DPH6: variants seen among roughly 807,000 people sequenced by gnomAD.
DPH6 encodes the protein diphthine--ammonia ligase.
DPH6 carries 33 observed loss-of-function variants against 38.2 expected under a neutral mutation model. The observed-to-expected ratio is 0.86, with a 90% CI of 0.65 to 1.15. The LOEUF (loss-of-function observed/expected upper bound fraction) is 1.15, where lower values mean the gene tolerates loss of function less well. Ranked by LOEUF, DPH6 falls within the 50% of genes most tolerant of loss-of-function variation. The probability of loss-of-function intolerance (pLI) is 0.00; values close to 1 mark genes in which losing one functional copy is unlikely to be tolerated. For missense variants in DPH6, 325 were observed against 320.0 expected, an observed-to-expected ratio of 1.02 and a Z score of -0.12; for synonymous variants, 108 against 103.0, an observed-to-expected ratio of 1.05 and a Z score of -0.30.
chr15:35,392,967 G>C (rs941502758), intron 6 of DPH6, among the ~76,000 whole-genome samples: 3 of 152,186 alleles, frequency 2.0e-5, no homozygotes, highest in Non-Finnish European at 2.9e-5. Flanking sequence ...ATGAGTAATG[G>C]CAGTGAGACA....
At chr15:35,394,006 A>T (rs1333014730) in intron 6 of DPH6, among the ~76,000 whole-genome samples, 1 of 152,114 alleles carries the variant, frequency 6.6e-6, no homozygotes, top group Non-Finnish European at 1.5e-5. Flanking sequence ...TTATGTCTCA[A>T]ATCTTTTGAT....
At chr15:35,457,387 G>A (rs2054010895) in intron 3 of DPH6, among the ~76,000 whole-genome samples, 1 of 151,194 alleles carries the variant, frequency 6.6e-6, no homozygotes, top group Admixed American at 6.7e-5. Context: ...GAGGCCTCCT[G>A]GGTTCAAGTG....
chr15:35,484,358 G>A (rs897871869), intron 3 of DPH6, among the ~76,000 whole-genome samples: 8 of 152,238 alleles, frequency 5.3e-5, no homozygotes, highest in Non-Finnish European at 1.2e-4. Flanking sequence ...TCCAAGTGCA[G>A]TGTAGCTGGA....
chr15:35,511,059 C>T (rs1399994285), intron 3 of DPH6, among the ~76,000 whole-genome samples: 1 of 152,136 alleles, frequency 6.6e-6, no homozygotes, highest in East Asian at 1.9e-4. Context: ...GACCAGCGGC[C>T]TCAGCATCAC....
intron 5 of DPH6, among the ~76,000 whole-genome samples, chr15:35,447,901 T>C (rs1021482612): frequency 6.6e-6 from 1 of 152,312 alleles, no homozygotes. Flanking sequence ...AGCTTATAAG[T>C]AGAGTCCTAG....
chr15:35,264,475 C>A (rs1191544494), intron 3 of DPH6, among the ~76,000 whole-genome samples: 1 of 152,196 alleles, frequency 6.6e-6, no homozygotes, highest in East Asian at 1.9e-4. Context: ...TGGACTTTCT[C>A]TGATTCTTAG....
chr15:35,536,762 A>C (rs1039612409), intron 3 of DPH6, among the ~76,000 whole-genome samples: 6 of 152,046 alleles, frequency 3.9e-5, no homozygotes, highest in Admixed American at 3.9e-4. Flanking sequence ...CATGAGAAAG[A>C]AATTTTGAAA....
At chr15:35,422,592 A>G (rs1200003103) in intron 5 of DPH6, among the ~76,000 whole-genome samples, 1 of 151,926 alleles carries the variant, frequency 6.6e-6, no homozygotes, top group African/African-American at 2.4e-5. Flanking sequence ...CTTAAGATCT[A>G]TCCTCTTAGC....
chr15:35,196,468 T>C, the DPH6 span, among the ~76,000 whole-genome samples: 2 of 152,060 alleles, frequency 1.3e-5, no homozygotes, highest in African/African-American at 4.8e-5. Context: ...AGCTGTTTTG[T>C]GGGAGGAGGC....
chr15:35,277,643 G>A (rs1566857676), intron 3 of DPH6, among the ~76,000 whole-genome samples: 1 of 152,286 alleles, frequency 6.6e-6, no homozygotes, highest in Admixed American at 6.5e-5. Flanking sequence ...TAGTTAAATG[G>A]TTATGACCAG....
the DPH6 span, among the ~76,000 whole-genome samples, chr15:35,193,309 A>G: frequency 0.038 from 5,842 of 152,262 alleles, 121 homozygotes; most frequent in Middle Eastern, 0.048. Context: ...TTTACAAAAA[A>G]GAATGGGAGT....
chr15:35,283,113 T>TTCTTCTCCTTCTCC (rs2140438081), intron 3 of DPH6: 1 of 158,504 alleles, frequency 6.3e-6, no homozygotes, highest in East Asian at 1.9e-4. Context: ...TCCCTTCTTC[T>TTCTTCTCCTTCTCC]TCTTCTCCTT....
chr15:35,349,686 C>A (rs140157771), intron 3 of DPH6, among the ~76,000 whole-genome samples: 1 of 152,156 alleles, frequency 6.6e-6, no homozygotes, highest in Non-Finnish European at 1.5e-5. Flanking sequence ...CTGCCCACCT[C>A]GGGCTCCCAA....
chr15:35,475,930 GAATT>G (rs1005313078), intron 3 of DPH6, among the ~76,000 whole-genome samples: 4 of 151,498 alleles, frequency 2.6e-5, no homozygotes, highest in Admixed American at 6.6e-5. Flanking sequence ...CATGAATAGA[GAATT>G]AATAATACAA....
chr15:35,488,457 G>A (rs761488767), intron 3 of DPH6, among the ~76,000 whole-genome samples: 3 of 152,192 alleles, frequency 2.0e-5, no homozygotes, highest in Non-Finnish European at 4.4e-5. Flanking sequence ...CACAGTGGAA[G>A]GCAAAGGAGA....
the DPH6 span, among the ~76,000 whole-genome samples, chr15:35,204,744 A>G: frequency 6.6e-6 from 1 of 151,926 alleles, no homozygotes; most frequent in Non-Finnish European, 1.5e-5. Flanking sequence ...GTGATATAAC[A>G]TAGTCTCTCC....
intron 3 of DPH6, among the ~76,000 whole-genome samples, chr15:35,272,779 A>G (rs1273667080): frequency 6.6e-6 from 1 of 151,982 alleles, no homozygotes; most frequent in African/African-American, 2.4e-5. Context: ...ATGGTGGCGC[A>G]TGCCTTAATT....
At chr15:35,163,605 T>A in the DPH6 span, among the ~76,000 whole-genome samples, 2 of 151,772 alleles carry the variant, frequency 1.3e-5, no homozygotes, top group Non-Finnish European at 2.9e-5. Flanking sequence ...CTCAAATACA[T>A]CTCTGGGCAC....
At chr15:35,352,895 C>T (rs893795811) in intron 3 of DPH6, among the ~76,000 whole-genome samples, 2 of 152,310 alleles carry the variant, frequency 1.3e-5, no homozygotes, top group African/African-American at 2.4e-5. Flanking sequence ...ACAGTCCCAC[C>T]AACAGTGTAA....
Sources: gnomAD v4.1 joint callset for allele counts (sites outside exome capture counted in the v4.1 genomes callset) on GRCh38, gnomAD v4.1.1 for gene constraint, MANE v1.5 for transcripts, NCBI Gene and HGNC (gene_info 2026-07-23, HGNC 2026-07-21) for gene names.